Variants in CPQ observed in about 807,000 individuals in gnomAD.
The protein encoded by CPQ is Ser-Met dipeptidase.
A neutral mutation model predicts 45.7 loss-of-function variants in CPQ; 37 were observed. That is an observed-to-expected ratio of 0.81 (90% CI 0.62 to 1.07). The LOEUF is 1.07. CPQ is among the 50% of genes least tolerant of loss of function. The pLI is 0.00. For missense variants in CPQ, 537 were observed against 572.9 expected (o/e 0.94, Z 0.64); for synonymous variants, 186 against 205.8 (o/e 0.90, Z 0.82).
rs555006513 is a variant in CPQ at position 96,718,203 on chromosome 8, A to C, written c.-34-66661A>C. Among the ~76,000 whole-genome samples, 28 of 152,238 alleles carry C rather than the reference A, an allele frequency of 1.8e-4. 1 individual carries two copies. The East Asian group carries it at 4.8e-3, about 26-fold the overall frequency. Reference sequence around the variant, plus strand: ...ATCCGTACTTGAGATTATATTGTGAATCTTAACTGGGGGCTTCTCCCAACC... The same window carrying C: ...ATCCGTACTTGAGATTATATTGTGACTCTTAACTGGGGGCTTCTCCCAACC... On this transcript the variant is annotated intron_variant, in intron 1 of 7. Transcript: ENST00000220763.
intron 3 of CPQ, among the ~76,000 whole-genome samples, chr8:96,872,899 C>G (rs1812090267): frequency 1.3e-5 from 2 of 151,862 alleles, no homozygotes; most frequent in African/African-American, 4.8e-5. Flanking sequence ...CTTTATTTCA[C>G]AGGCACTTAC....
chr8:96,908,790 G>A (rs566849810), intron 4 of CPQ, among the ~76,000 whole-genome samples: 1 of 122,372 alleles, frequency 8.2e-6, no homozygotes, highest in African/African-American at 3.2e-5. Context: ...ATATATTCTG[G>A]GGAAGAGGTG....
intron 2 of CPQ, among the ~76,000 whole-genome samples, chr8:96,788,149 C>T (rs1810798737): frequency 6.9e-6 from 1 of 144,268 alleles, no homozygotes; most frequent in Non-Finnish European, 1.5e-5. Flanking sequence ...TCCATTGTTT[C>T]TTTTTCTTTC....
intron 3 of CPQ, among the ~76,000 whole-genome samples, chr8:96,866,035 G>A (rs1031197703): frequency 6.6e-6 from 1 of 152,014 alleles, no homozygotes; most frequent in African/African-American, 2.4e-5. Flanking sequence ...GGCAGAAATT[G>A]CATTGGTTTT....
At chr8:96,668,793 T>G (rs1412867819) in intron 1 of CPQ, among the ~76,000 whole-genome samples, 2 of 152,068 alleles carry the variant, frequency 1.3e-5, no homozygotes, top group Non-Finnish European at 2.9e-5. Context: ...CTGAGTTCCC[T>G]GGGTTTTTCT....
intron 1 of CPQ, among the ~76,000 whole-genome samples, chr8:96,730,571 A>G (rs1443760786): frequency 6.6e-6 from 1 of 151,940 alleles, no homozygotes; most frequent in East Asian, 1.9e-4. Context: ...CCCCCCAAAG[A>G]CTGCTGGTTG....
At chr8:96,921,620 A>T (rs1044283551) in intron 4 of CPQ, among the ~76,000 whole-genome samples, 15 of 152,290 alleles carry the variant, frequency 9.8e-5, no homozygotes, top group African/African-American at 3.4e-4. Context: ...CTGGGTCTGC[A>T]CAGAAAACTG....
intron 5 of CPQ, among the ~76,000 whole-genome samples, chr8:96,990,339 C>G (rs1809066155): frequency 6.6e-6 from 1 of 152,200 alleles, no homozygotes; most frequent in South Asian, 2.1e-4. Flanking sequence ...GTCCTCCCAG[C>G]ACCTACTGCC....
At chr8:96,979,817 A>C (rs1813857974) in intron 5 of CPQ, among the ~76,000 whole-genome samples, 1 of 152,192 alleles carries the variant, frequency 6.6e-6, no homozygotes, top group East Asian at 1.9e-4. Flanking sequence ...AGGGAAGTTG[A>C]TTATTATAAG....
intron 3 of CPQ, among the ~76,000 whole-genome samples, chr8:96,865,334 G>A (rs960249905): frequency 2.6e-5 from 4 of 151,946 alleles, no homozygotes; most frequent in South Asian, 2.1e-4. Context: ...AGAGAGGCGG[G>A]TGTTGAGATT....
intron 1 of CPQ, among the ~76,000 whole-genome samples, chr8:96,756,238 A>G (rs532982477): frequency 1.6e-3 from 239 of 152,040 alleles, no homozygotes; most frequent in Non-Finnish European, 2.6e-3. Context: ...AAAATACTTA[A>G]GCTTCAACTT....
chr8:96,863,207 A>G (rs1432075760), intron 3 of CPQ, among the ~76,000 whole-genome samples: 1 of 152,064 alleles, frequency 6.6e-6, no homozygotes, highest in Non-Finnish European at 1.5e-5. Flanking sequence ...ATATAAGGAA[A>G]CATGTTTGGA....
chr8:97,050,749 G>C (rs1316976407), intron 6 of CPQ, among the ~76,000 whole-genome samples: 1 of 152,110 alleles, frequency 6.6e-6, no homozygotes, highest in Non-Finnish European at 1.5e-5. Context: ...TGATTTGCTT[G>C]AGAGTCCAGC....
Position 97,066,074 on chromosome 8 carries a change from G to T in CPQ, c.1119G>T (p.Leu373=). 6.2e-7 allele frequency: 1 copy of T among 1,611,692 alleles called. No homozygotes were observed. The highest frequency in any genetic ancestry group is 8.5e-7 in the Non-Finnish European group (1 of 1,179,294). ...SDAGTFLPTG[L]QFTGSEKARA... ...CAGGAACCTTCTTACCCACTGGGCT[G>T]CAATTCACTGGCAGTGAAAAGGCCA... The change falls in exon 7 of 8, where the codon CTG becomes CTT. Residue 373 remains leucine (L), a synonymous_variant. Transcript: ENST00000220763.
chr8:96,659,334 C>A (rs1815672448), intron 1 of CPQ: 1 of 152,186 alleles, frequency 6.6e-6, no homozygotes, highest in East Asian at 1.9e-4. Flanking sequence ...GTGAGTAGAT[C>A]TTGGCTGTGA....
At chr8:96,901,828 T>C (rs1448899116) in intron 4 of CPQ, among the ~76,000 whole-genome samples, 2 of 152,206 alleles carry the variant, frequency 1.3e-5, no homozygotes, top group Non-Finnish European at 2.9e-5. Flanking sequence ...TGCTGTGTGC[T>C]TTCTTCAAGA....
At chr8:96,722,512 T>C (rs1809778913) in intron 1 of CPQ, among the ~76,000 whole-genome samples, 1 of 152,178 alleles carries the variant, frequency 6.6e-6, no homozygotes, top group Non-Finnish European at 1.5e-5. Flanking sequence ...ACCTAAAATA[T>C]TTACTTTCTA....
intron 5 of CPQ, among the ~76,000 whole-genome samples, chr8:96,999,447 G>T (rs1206743657): frequency 2.6e-5 from 4 of 151,804 alleles, no homozygotes; most frequent in Non-Finnish European, 5.9e-5. Context: ...ATGTTCATGT[G>T]TTCTCATCAT....
At chr8:97,103,330 T>C (rs1452378667) in intron 7 of CPQ, among the ~76,000 whole-genome samples, 2 of 152,220 alleles carry the variant, frequency 1.3e-5, no homozygotes, top group African/African-American at 4.8e-5. Flanking sequence ...TTCATAGTGC[T>C]ATAACGCAGA....
Sources: gnomAD v4.1 joint callset for allele counts (sites outside exome capture counted in the v4.1 genomes callset) on GRCh38, gnomAD v4.1.1 for gene constraint, MANE v1.5 for transcripts, NCBI Gene and HGNC (gene_info 2026-07-23, HGNC 2026-07-21) for gene names.